PCSK5: variants seen among roughly 807,000 people sequenced by gnomAD.
PCSK5 encodes the protein prohormone convertase 5.
A neutral mutation model predicts 233.2 loss-of-function variants in PCSK5; 129 were observed. The observed-to-expected ratio is 0.55, with a 90% CI of 0.48 to 0.64. The LOEUF is 0.64. Among genes scored for constraint, PCSK5 ranks in the 30% least tolerant of loss-of-function variants. The pLI is 0.00. For synonymous variants in PCSK5, 825 were observed against 879.2 expected (o/e 0.94, Z 1.09); for missense variants, 2,076 against 2,430.1 (o/e 0.85, Z 3.06).
In PCSK5 at chr9:76,221,977, G is replaced by A. The variant is rs79142724; in HGVS notation, c.2627-5526G>A. ...GGACAAGGGCAAGTTGTCCTTGAGAGAATGGGATAGAGAAGAGATTTCCTC... is the reference window on the plus strand; with the variant it reads ...GGACAAGGGCAAGTTGTCCTTGAGAAAATGGGATAGAGAAGAGATTTCCTC... On this transcript the variant is annotated intron_variant, in intron 20 of 37. Coordinates refer to ENST00000674117, the MANE Select transcript of PCSK5 (RefSeq NM_001372043.1). Among the ~76,000 whole-genome samples, 886 of 152,312 alleles carry A rather than the reference G, an allele frequency of 5.8e-3. 5 individuals carry two copies. Among genetic ancestry groups the A allele is most frequent in the African/African-American group, 0.02 (847 of 41,572 alleles).
At chr9:76,285,343 T>C (rs1376865309) in intron 24 of PCSK5, among the ~76,000 whole-genome samples, 1 of 152,196 alleles carries the variant, frequency 6.6e-6, no homozygotes, top group Non-Finnish European at 1.5e-5. Flanking sequence ...TAATGTTTTA[T>C]GGAACATTTG....
chr9:76,338,651 C>T (rs886565716), intron 35 of PCSK5, among the ~76,000 whole-genome samples: 8 of 152,174 alleles, frequency 5.3e-5, no homozygotes, highest in Non-Finnish European at 7.3e-5. Flanking sequence ...TGCCCATCCC[C>T]CATCCTTCAA....
intron 20 of PCSK5, among the ~76,000 whole-genome samples, chr9:76,205,868 A>G (rs1825098140): frequency 6.6e-6 from 1 of 152,140 alleles, no homozygotes; most frequent in South Asian, 2.1e-4. Context: ...CCAAGAGGAC[A>G]TACACCATAC....
intron 10 of PCSK5, among the ~76,000 whole-genome samples, chr9:76,136,739 A>T (rs1342439554): frequency 1.3e-5 from 2 of 152,056 alleles, no homozygotes; most frequent in African/African-American, 4.8e-5. Context: ...TTAAAAAAAA[A>T]TAGGAGAACA....
At chr9:75,966,783 A>G (rs1169971006) in intron 2 of PCSK5, among the ~76,000 whole-genome samples, 1 of 152,226 alleles carries the variant, frequency 6.6e-6, no homozygotes, top group Non-Finnish European at 1.5e-5. Flanking sequence ...AGATAAGTTC[A>G]GTCACTTGGG....
chr9:76,008,143 T>C (rs1353968122), intron 3 of PCSK5, among the ~76,000 whole-genome samples: 1 of 152,106 alleles, frequency 6.6e-6, no homozygotes, highest in Non-Finnish European at 1.5e-5. Flanking sequence ...TTACTGGGCT[T>C]CTGCTTCCTT....
chr9:76,035,332 G>A (rs778644201), intron 5 of PCSK5, among the ~76,000 whole-genome samples: 2 of 152,054 alleles, frequency 1.3e-5, no homozygotes, highest in African/African-American at 2.4e-5. Flanking sequence ...ATCTAACCTC[G>A]AATTCCTATA....
At chr9:76,144,518 G>C (rs1161264955) in intron 10 of PCSK5, among the ~76,000 whole-genome samples, 2 of 152,152 alleles carry the variant, frequency 1.3e-5, no homozygotes, top group African/African-American at 4.8e-5. Context: ...CAAACTAAAG[G>C]GTTGAGTGGG....
chr9:76,145,842 G>A (rs1823421947), intron 10 of PCSK5, among the ~76,000 whole-genome samples: 1 of 152,166 alleles, frequency 6.6e-6, no homozygotes, highest in East Asian at 1.9e-4. Flanking sequence ...AGAGATCTTT[G>A]TATTGGTGCC....
intron 2 of PCSK5, among the ~76,000 whole-genome samples, chr9:75,934,569 T>A (rs1823963591): frequency 1.3e-5 from 2 of 151,692 alleles, no homozygotes; most frequent in Non-Finnish European, 2.9e-5. Flanking sequence ...GTTCCTAAGT[T>A]TTTTTGTTTT....
At chr9:76,207,496 T>A (rs72740907) in intron 20 of PCSK5, among the ~76,000 whole-genome samples, 2,990 of 152,368 alleles carry the variant, frequency 0.02, 47 homozygotes, top group Middle Eastern at 0.034. Flanking sequence ...TATTTACTCA[T>A]CTAACTTTTA....
chr9:76,159,253 C>T, intron 12 of PCSK5, 82 bp downstream of exon 12: 2 of 1,276,316 alleles, frequency 1.6e-6, no homozygotes, highest in Non-Finnish European at 1.1e-6. Flanking sequence ...ACAGCTGCTG[C>T]TTTCACCTAA....
intron 27 of PCSK5, among the ~76,000 whole-genome samples, chr9:76,299,147 AGT>A (rs1469001893): frequency 2.6e-5 from 4 of 152,204 alleles, no homozygotes; most frequent in African/African-American, 4.8e-5. Context: ...CTGCCAACAA[AGT>A]GGGAATACCT....
intron 3 of PCSK5, among the ~76,000 whole-genome samples, chr9:76,022,915 T>A (rs895535407): frequency 3.9e-5 from 6 of 152,156 alleles, no homozygotes; most frequent in African/African-American, 2.4e-5. Context: ...GTTAATTTAG[T>A]GAAAGAAGTG....
rs148224208 is a variant in PCSK5, at chr9:76,227,854, T to C, written c.2729+249T>C. 3.0e-4 allele frequency among the ~76,000 whole-genome samples: 45 copies of C among 152,248 alleles called. No individual in the cohort carries two copies. In the East Asian group the frequency reaches 7.7e-3, roughly 26 times the overall value. The stretch of plus-strand genomic sequence containing the variant: ...TGGAACAGATTTCCTCATCAATCAA[T>C]AGGGTGCCTTTGATGCCTGAAATCT... On this transcript the variant is annotated intron_variant, in intron 21 of 37. Coordinates refer to ENST00000674117, the MANE Select transcript of PCSK5 (RefSeq NM_001372043.1).
At chr9:76,255,593 G>A (rs1026045981) in intron 24 of PCSK5, among the ~76,000 whole-genome samples, 1 of 152,192 alleles carries the variant, frequency 6.6e-6, no homozygotes, top group African/African-American at 2.4e-5. Flanking sequence ...AGTTAAGGTG[G>A]CAGGTGAGGG....
chr9:76,239,679 G>A (rs535633715), intron 23 of PCSK5, among the ~76,000 whole-genome samples: 8 of 136,378 alleles, frequency 5.9e-5, no homozygotes, highest in South Asian at 4.6e-4. Context: ...CTGGGAGACA[G>A]AGCAAGACTC....
chr9:75,904,395 G>C (rs1456012336), intron 1 of PCSK5, among the ~76,000 whole-genome samples: 1 of 152,136 alleles, frequency 6.6e-6, no homozygotes, highest in Non-Finnish European at 1.5e-5. Flanking sequence ...CATATCTGAG[G>C]AAGACTTGTA....
intron 2 of PCSK5, among the ~76,000 whole-genome samples, chr9:75,959,635 A>G (rs999594795): frequency 2.9e-4 from 44 of 152,326 alleles, no homozygotes; most frequent in African/African-American, 9.4e-4. Context: ...CAGCAGTTGT[A>G]CATACTCCAG....
Sources: allele counts gnomAD v4.1 joint callset (sites outside exome capture counted in the v4.1 genomes callset), GRCh38; gene constraint gnomAD v4.1.1; transcripts MANE v1.5; gene names NCBI Gene and HGNC (gene_info 2026-07-23, HGNC 2026-07-21).